Variants in CST9 observed in about 807,000 individuals in gnomAD.
CST9 encodes cystatin 9, also known as cystatin-9.
In CST9, 11 loss-of-function variants were observed where a neutral mutation model predicts 7.7. The ratio of observed to expected loss-of-function variants is 1.44; its 90% CI spans 0.90 to 2.38. CST9 has a LOEUF of 2.38. Among genes scored for constraint, CST9 ranks in the 30% most tolerant of loss-of-function variants. The probability of loss-of-function intolerance (pLI) is 0.00; values close to 1 mark genes in which losing one functional copy is unlikely to be tolerated. For synonymous variants in CST9, 71 were observed against 74.3 expected (o/e 0.96, Z 0.23); for missense variants, 214 against 199.1 (o/e 1.07, Z -0.45).
Position 23,605,834 on chromosome 20 carries a change from G to A in CST9, c.31C>T (p.Pro11Ser), listed in dbSNP as rs532969377. The A allele has an allele frequency of 6.2e-7, 1 of 1,614,176 alleles. No homozygotes were observed. The highest frequency in any genetic ancestry group is 8.5e-7 in the Non-Finnish European group (1 of 1,180,036). Residue 11 changes from proline to serine, a missense_variant, in exon 1 of 2, where the codon CCC becomes TCC. Coordinates refer to ENST00000376971, the MANE Select transcript of CST9 (RefSeq NM_001008693.3). MSSPQRRKAMPWALSLLLMGF... is the reference protein window; with the variant it reads MSSPQRRKAMSWALSLLLMGF... ...ATGAGAAGCAGTGACAGTGCCCAGG[G>A]CATAGCCTTCCTCCTCTGCGGACTC... is the stretch of plus-strand genomic sequence containing the variant.
chr20:23,605,031 A>G (rs975591470), intron 1 of CST9, among the ~76,000 whole-genome samples: 1 of 152,214 alleles, frequency 6.6e-6, no homozygotes, highest in Non-Finnish European at 1.5e-5. Flanking sequence ...AAGAGTGTAA[A>G]TTGGCCTTCA....
Position 23,602,656 on chromosome 20 carries a change from A to T in CST9, c.*854T>A. ...GAGCCCCTCTGAGCAGGTCTTGTTC[A>T]GGAGTTCAAAATATGTCTTCCAGGG... On this transcript the variant is annotated 3_prime_UTR_variant, in exon 2 of 2. Coordinates refer to ENST00000376971, the MANE Select transcript of CST9 (RefSeq NM_001008693.3). 1 of 982,500 alleles carries T rather than the reference A, an allele frequency of 1.0e-6. No individual in the cohort carries two copies. Among genetic ancestry groups the T allele is most frequent in the Non-Finnish European group, 1.2e-6 (1 of 827,246 alleles). 60.9% of individuals were successfully genotyped at this position (982,500 alleles called of 1,614,324 possible).
At chr20:23,603,817 A>G (rs1978688508) in intron 1 of CST9, 83 bp from the exon 2 acceptor site, 1 of 1,389,836 alleles carries the variant, frequency 7.2e-7, no homozygotes, top group South Asian at 1.3e-5. Flanking sequence ...TTTGAGTAGG[A>G]GAGGCCCCAA....
Position 23,603,518 on chromosome 20 carries a change from C to T in CST9, c.472G>A (p.Gly158Arg), listed in dbSNP as rs148850942. The T allele has an allele frequency of 1.2e-6, 2 of 1,614,172 alleles. No individual in the cohort carries two copies. The highest frequency in any genetic ancestry group is 1.7e-6 in the Non-Finnish European group (2 of 1,180,024). ...TACAGCCTGCTGTGGGCTCACTTCC[C>T]TTTGTCCCTCGGAATGGCTTTGTCA... ...AADKAIPRDK[G>R]K The change falls in exon 2 of 2, where the codon GGG becomes AGG. Residue 158 changes from glycine (G) to arginine (R), a missense_variant. By Grantham distance (125) the Gly-to-Arg change is moderately radical. Coordinates refer to ENST00000376971, the MANE Select transcript of CST9 (RefSeq NM_001008693.3).
chr20:23,603,615 T>G lies in CST9; in HGVS notation c.375A>C (p.Arg125Ser), dbSNP rs146401442. 4 of 1,614,088 alleles carry G rather than the reference T, an allele frequency of 2.5e-6. No homozygotes were observed. In the African/African-American group the frequency reaches 5.3e-5, roughly 22 times the overall value. ...FQESLELNNVRQGISFPQVHS... is the reference protein window; with the variant it reads ...FQESLELNNVSQGISFPQVHS... ...GGACCTGAGGAAAGCTGATGCCCTG[T>G]CTTACGTTGTTCAGCTCCAGGCTTT... Residue 125 changes from arginine (R) to serine (S), a missense_variant, in exon 2 of 2, where the codon AGA becomes AGC. Transcript: ENST00000376971.
rs1394990922 is a variant in CST9, at chr20:23,605,905, C to A, written c.-41G>T. ...AGCCCTTGCCTTTGCCCTTCAGATCCCTGGCGTCCACTGGAGCCTTCCAGG... is the reference window on the plus strand; with the variant it reads ...AGCCCTTGCCTTTGCCCTTCAGATCACTGGCGTCCACTGGAGCCTTCCAGG... On this transcript the variant is annotated 5_prime_UTR_variant, in exon 1 of 2. Coordinates refer to ENST00000376971, the MANE Select transcript of CST9 (RefSeq NM_001008693.3). The A allele has an allele frequency of 1.9e-6, 3 of 1,608,078 alleles. No homozygotes were observed. Among genetic ancestry groups the A allele is most frequent in the Non-Finnish European group, 2.5e-6 (3 of 1,177,410 alleles).
At position 23,603,360 on chromosome 20, in the gene CST9, C is replaced by T. The variant is rs1276151379; in HGVS notation, c.*150G>A. ...AGAGAAGGTTCTGAAGGCCATGTGG[C>T]CCAGGTGCAGGCAGCTGCAATGGTG... On this transcript the variant is annotated 3_prime_UTR_variant, in exon 2 of 2. Transcript: ENST00000376971. The T allele has an allele frequency of 8.3e-6, 12 of 1,445,860 alleles. No individual in the cohort carries two copies. The highest frequency in any genetic ancestry group is 1.0e-5 in the Non-Finnish European group (11 of 1,104,700). The allele number at this position is 1,445,860 out of a possible 1,614,324, so 89.6% of individuals were successfully genotyped here.
Position 23,602,889 on chromosome 20 carries a change from T to TACA in CST9, c.*618_*620dup. On this transcript the variant is annotated 3_prime_UTR_variant, in exon 2 of 2. Coordinates refer to ENST00000376971, the MANE Select transcript of CST9 (RefSeq NM_001008693.3). ...CCTGAGCCTGAGGCCAATCCTGAACTACAACGTGATTTGAGGCTCCCTCCC... is the reference window on the plus strand; with the variant it reads ...CCTGAGCCTGAGGCCAATCCTGAACTACAACAACGTGATTTGAGGCTCCCTCCC... 2.0e-6 allele frequency: 2 copies of TACA among 987,818 alleles called. No homozygotes were observed. The highest frequency in any genetic ancestry group is 2.4e-6 in the Non-Finnish European group (2 of 831,782). 61.2% of individuals were successfully genotyped at this position (987,818 alleles called of 1,614,324 possible).
rs1978748046 is a variant in CST9, at chr20:23,605,746, T to G, written c.119A>C (p.Lys40Thr). ...GAGGAACATAGGATCCTGGACTATT[T>G]TATTATTACCACCCATTTCCTCTTC... ...CSEEEMGGNN[K>T]IVQDPMFLAT... Residue 40 changes from lysine to threonine, a missense_variant, in exon 1 of 2, where the codon AAA becomes ACA. Coordinates refer to ENST00000376971, the MANE Select transcript of CST9 (RefSeq NM_001008693.3). 2 of 1,614,176 alleles carry G rather than the reference T, an allele frequency of 1.2e-6. No individual in the cohort carries two copies. The highest frequency in any genetic ancestry group is 8.5e-7 in the Non-Finnish European group (1 of 1,180,026).
Position 23,603,281 on chromosome 20 carries a change from T to C in CST9, c.*229A>G. The C allele has an allele frequency of 1.4e-6, 2 of 1,402,476 alleles. No individual in the cohort carries two copies. The highest frequency in any genetic ancestry group is 1.4e-5 in the African/African-American group (1 of 69,158). The allele number at this position is 1,402,476 out of a possible 1,614,324, so 86.9% of individuals were successfully genotyped here. ...AAAGTACCCACAGACATTGTCACCA[T>C]TGTCTCCAGGCTCTTTCTCTAGAAG... is the stretch of plus-strand genomic sequence containing the variant. On this transcript the variant is annotated 3_prime_UTR_variant, in exon 2 of 2. Transcript: ENST00000376971.
rs1426450982 is a variant in CST9, at chr20:23,605,784, A to C, written c.81T>G (p.Tyr27Ter). Residue 27 changes from tyrosine to a stop codon, truncating the protein, a stop_gained, in exon 1 of 2, where the codon TAT becomes TAG. Coordinates refer to ENST00000376971, the MANE Select transcript of CST9 (RefSeq NM_001008693.3). LOFTEE classifies it high-confidence loss of function. ...CCATTTCCTCTTCAGAACACCAGGC[A>C]TAAGTCACCAGGAGCTGGAAGCCCA... ...LLMGFQLLVT[Y>*]AWCSEEEMGG... The C allele has an allele frequency of 1.2e-6, 2 of 1,614,246 alleles. No homozygotes were observed. The highest frequency in any genetic ancestry group is 2.2e-5 in the East Asian group (1 of 44,882).
At position 23,602,636 on chromosome 20, in the gene CST9, C is replaced by G; in HGVS notation, c.*874G>C. ...TGAGTGGCTTCCACTCAGGAGAGCC[C>G]CTCTGAGCAGGTCTTGTTCAGGAGT... is the stretch of plus-strand genomic sequence containing the variant. On this transcript the variant is annotated 3_prime_UTR_variant, in exon 2 of 2. Coordinates refer to ENST00000376971, the MANE Select transcript of CST9 (RefSeq NM_001008693.3). The G allele has an allele frequency of 7.3e-6, 7 of 960,588 alleles. No individual in the cohort carries two copies. The highest frequency in any genetic ancestry group is 8.7e-6 in the Non-Finnish European group (7 of 807,398). 59.5% of individuals were successfully genotyped at this position (960,588 alleles called of 1,614,324 possible).
intron 1 of CST9, among the ~76,000 whole-genome samples, chr20:23,605,224 GTCTC>G (rs1044900360): frequency 4.7e-5 from 7 of 149,548 alleles, no homozygotes; most frequent in African/African-American, 1.7e-4. Context: ...GTCTCTCTCT[GTCTC>G]TCTCTCTCTC....
intron 1 of CST9, 136 bp from the exon 2 acceptor site, chr20:23,603,870 G>T: frequency 1.1e-6 from 1 of 899,556 alleles, no homozygotes; most frequent in East Asian, 2.5e-5. Context: ...CCTGGCATCA[G>T]CTCACTGGAG....
At chr20:23,604,984 A>T (rs539029999) in intron 1 of CST9, among the ~76,000 whole-genome samples, 2 of 152,378 alleles carry the variant, frequency 1.3e-5, no homozygotes, top group South Asian at 4.1e-4. Context: ...TGATTTCATC[A>T]AAAAGGCAAG....
rs780564518 is a variant in CST9, at chr20:23,605,904, C to G, written c.-40G>C. On this transcript the variant is annotated 5_prime_UTR_variant, in exon 1 of 2. Transcript: ENST00000376971. ...CAGCCCTTGCCTTTGCCCTTCAGAT[C>G]CCTGGCGTCCACTGGAGCCTTCCAG... The G allele has an allele frequency of 1.9e-6, 3 of 1,607,992 alleles. No homozygotes were observed. In the East Asian group the frequency reaches 6.7e-5, roughly 36 times the overall value.
rs1159425948 is a variant in CST9 at position 23,603,856 on chromosome 20, T to C, written c.256-122A>G. 5 of 1,037,988 alleles carry C rather than the reference T, an allele frequency of 4.8e-6. No homozygotes were observed. In the Admixed American group the frequency reaches 7.8e-5, roughly 16 times the overall value. The allele number at this position is 1,037,988 out of a possible 1,614,324, so 64.3% of individuals were successfully genotyped here. On this transcript the variant is annotated intron_variant, in intron 1 of 1. Transcript: ENST00000376971. ...TTTACTGCATTTGAGAGCTTGCCCA[T>C]GGGCCTGGCATCAGCTCACTGGAGG...
rs1236603841 is a variant in CST9, at chr20:23,605,625, A to G, written c.240T>C (p.Asp80=). 6.2e-7 allele frequency: 1 copy of G among 1,614,084 alleles called. No individual in the cohort carries two copies. Among genetic ancestry groups the G allele is most frequent in the Non-Finnish European group, 8.5e-7 (1 of 1,179,998 alleles). ...GGTCACCAACCTTTCTGTCCATGCT[A>G]TCCTCCCTCCATGAACTCAGGACGC... ...LLRVLSSWRE[D]SMDRKWRGKM... is the part of the protein sequence containing the mutation. The change falls in exon 1 of 2, where the codon GAT becomes GAC. Residue 80 remains aspartate (D), a synonymous_variant. Coordinates refer to ENST00000376971, the MANE Select transcript of CST9 (RefSeq NM_001008693.3).
chr20:23,604,808 C>T lies in CST9; in HGVS notation c.255+802G>A, dbSNP rs533992500. Among the ~76,000 whole-genome samples, 11 of 152,338 alleles carry T rather than the reference C, an allele frequency of 7.2e-5. No homozygotes were observed. The East Asian group carries it at 7.7e-4, about 11-fold the overall frequency. On this transcript the variant is annotated intron_variant, in intron 1 of 1. Transcript: ENST00000376971. ...GCACAGAGTCTTTCCAGAGCTTAAGCTCTGTGCGGTACTAGAGTCCCTCTG... is the reference window on the plus strand; with the variant it reads ...GCACAGAGTCTTTCCAGAGCTTAAGTTCTGTGCGGTACTAGAGTCCCTCTG...
Sources: allele counts gnomAD v4.1 joint callset (sites outside exome capture counted in the v4.1 genomes callset), GRCh38; gene constraint gnomAD v4.1.1; transcripts MANE v1.5; gene names NCBI Gene and HGNC (gene_info 2026-07-23, HGNC 2026-07-21).